Variants in ADARB2 observed in about 807,000 individuals in gnomAD.
ADARB2 encodes the protein inactive double-stranded RNA-specific editase B2.
Under a neutral mutation model 62.2 loss-of-function variants are expected in ADARB2, and 25 were observed. The ratio of observed to expected loss-of-function variants is 0.40; its 90% CI spans 0.29 to 0.56. ADARB2 has a LOEUF of 0.56. ADARB2 is among the 20% of genes least tolerant of loss of function. ADARB2 has a pLI of 0.43. For missense variants in ADARB2, 1,071 were observed against 1,077.4 expected, an observed-to-expected ratio of 0.99 and a Z score of 0.08; for synonymous variants, 572 against 500.8, an observed-to-expected ratio of 1.14 and a Z score of -1.90.
intron 3 of ADARB2, among the ~76,000 whole-genome samples, chr10:1,329,379 C>G (rs1831906732): frequency 6.6e-6 from 1 of 152,210 alleles, no homozygotes; most frequent in Admixed American, 6.5e-5. Context: ...AAATGTATCC[C>G]TTGTTTAAGC....
intron 1 of ADARB2, among the ~76,000 whole-genome samples, chr10:1,574,593 T>C (rs1411067298): frequency 1.3e-5 from 2 of 152,176 alleles, no homozygotes; most frequent in Admixed American, 1.3e-4. Context: ...CTAAGGTCCC[T>C]GTCCTTATAG....
intron 1 of ADARB2, among the ~76,000 whole-genome samples, chr10:1,428,675 G>C (rs1830742195): frequency 6.6e-6 from 1 of 152,056 alleles, no homozygotes; most frequent in African/African-American, 2.4e-5. Context: ...GAGATTGGGG[G>C]CTGGGGATGG....
rs569099693 is a variant in ADARB2, at chr10:1,677,767, C to T, written c.100+59284G>A. On this transcript the variant is annotated intron_variant, in intron 1 of 9. Transcript: ENST00000381312. ...CCATGGCTCCTGCACCTGCCCTGGT[C>T]GCAACACACACAGGCTGAACTCGGC... Among the ~76,000 whole-genome samples, 10 of 152,272 alleles carry T rather than the reference C, an allele frequency of 6.6e-5. No individual in the cohort carries two copies. In the South Asian group the frequency reaches 1.5e-3, roughly 22 times the overall value.
chr10:1,190,212 C>T (rs1199056467), intron 8 of ADARB2, among the ~76,000 whole-genome samples: 1 of 152,106 alleles, frequency 6.6e-6, no homozygotes, highest in Non-Finnish European at 1.5e-5. Flanking sequence ...AAATTGCACA[C>T]AGATACCCCA....
chr10:1,603,801 TTTTA>T (rs1191715539), intron 1 of ADARB2, among the ~76,000 whole-genome samples: 3 of 151,768 alleles, frequency 2.0e-5, no homozygotes, highest in African/African-American at 4.8e-5. Flanking sequence ...GTCATATATA[TTTTA>T]TTTATTTATT....
intron 1 of ADARB2, among the ~76,000 whole-genome samples, chr10:1,548,251 C>T (rs1832556983): frequency 1.3e-5 from 2 of 152,222 alleles, no homozygotes; most frequent in African/African-American, 4.8e-5. Flanking sequence ...TCCCGCAACT[C>T]ACTGGGCAAG....
rs1325396654 is a variant in ADARB2, at chr10:1,642,771, CCTCA to C, written c.100+94276_100+94279del. ...CTCACATGCACACACACTCACACTCCCTCACTCACACACCCACTCACACTCAGTA... is the reference window on the plus strand; with the variant it reads ...CTCACATGCACACACACTCACACTCCCTCACACACCCACTCACACTCAGTA... On this transcript the variant is annotated intron_variant, in intron 1 of 9. Transcript: ENST00000381312. Among the ~76,000 whole-genome samples the C allele has an allele frequency of 3.3e-5, 5 of 152,050 alleles. No homozygotes were observed. The South Asian group carries it at 6.3e-4, about 19-fold the overall frequency.
intron 4 of ADARB2, among the ~76,000 whole-genome samples, chr10:1,260,412 C>T (rs903649036): frequency 6.6e-6 from 1 of 151,674 alleles, no homozygotes; most frequent in Non-Finnish European, 1.5e-5. Flanking sequence ...CCCATTGTCT[C>T]AGCCCAAAAT....
intron 1 of ADARB2, among the ~76,000 whole-genome samples, chr10:1,452,196 A>T (rs1455260012): frequency 1.3e-5 from 2 of 152,200 alleles, no homozygotes; most frequent in African/African-American, 4.8e-5. Flanking sequence ...CAGCTGCGGG[A>T]ATTCAGTGGC....
intron 2 of ADARB2, among the ~76,000 whole-genome samples, chr10:1,378,744 CAAGGGTGGGACTGCAGGT>C (rs1172299237): frequency 6.6e-6 from 1 of 151,872 alleles, no homozygotes; most frequent in Non-Finnish European, 1.5e-5. Flanking sequence ...AGACTGCAGG[CAAGGGTGGGACTGCAGGT>C]TACAGTAGGA....
At chr10:1,673,133 G>C (rs770878308) in intron 1 of ADARB2, among the ~76,000 whole-genome samples, 2 of 152,184 alleles carry the variant, frequency 1.3e-5, no homozygotes, top group Non-Finnish European at 2.9e-5. Context: ...ACTGACCTGA[G>C]AGTTGATGGA....
At chr10:1,303,876 A>G (rs11250398) in intron 3 of ADARB2, among the ~76,000 whole-genome samples, 78,314 of 148,426 alleles carry the variant, frequency 0.53, 22,328 homozygotes, top group East Asian at 0.9. Flanking sequence ...TGGAGGAAGC[A>G]CTAAACATGG....
chr10:1,533,991 T>C (rs546026810), intron 1 of ADARB2, among the ~76,000 whole-genome samples: 11 of 151,472 alleles, frequency 7.3e-5, no homozygotes, highest in South Asian at 4.2e-4. Context: ...TTTATGGATA[T>C]GCAGGTTGAA....
intron 3 of ADARB2, among the ~76,000 whole-genome samples, chr10:1,300,925 G>A (rs527761153): frequency 6.6e-6 from 1 of 152,242 alleles, no homozygotes; most frequent in Non-Finnish European, 1.5e-5. Context: ...AGATGCTGCT[G>A]TGATTGTCAG....
chr10:1,603,800 A>G (rs1478714962), intron 1 of ADARB2, among the ~76,000 whole-genome samples: 1 of 151,020 alleles, frequency 6.6e-6, no homozygotes, highest in Non-Finnish European at 1.5e-5. Flanking sequence ...AGTCATATAT[A>G]TTTTATTTAT....
chr10:1,306,579 C>CA lies in ADARB2; in HGVS notation c.1078-35511dup, dbSNP rs1048445817. On this transcript the variant is annotated intron_variant, in intron 3 of 9. Coordinates refer to ENST00000381312, the MANE Select transcript of ADARB2 (RefSeq NM_018702.4). ...AACTACTTTAAAGTTCATATGGAAC[C>CA]AAAAAAGAGCCCGCATCGCTAAGTC... Among the ~76,000 whole-genome samples, 397 of 150,406 alleles carry CA rather than the reference C, an allele frequency of 2.6e-3. 4 individuals are homozygous for CA. Among genetic ancestry groups the CA allele is most frequent in the African/African-American group, 8.7e-3 (357 of 41,224 alleles).
rs942142350 is a variant in ADARB2, at chr10:1,319,921, C to T, written c.1077+43107G>A. ...GGACTACTGGACCAATATGTGTAAACGTTTCTAAAGTTTTTGGTGTGTATT... is the reference window on the plus strand; with the variant it reads ...GGACTACTGGACCAATATGTGTAAATGTTTCTAAAGTTTTTGGTGTGTATT... On this transcript the variant is annotated intron_variant, in intron 3 of 9. Transcript: ENST00000381312. Among the ~76,000 whole-genome samples, 12 of 152,260 alleles carry T rather than the reference C, an allele frequency of 7.9e-5. No individual in the cohort carries two copies. The South Asian group carries it at 1.0e-3, about 13-fold the overall frequency.
intron 3 of ADARB2, among the ~76,000 whole-genome samples, chr10:1,327,596 ACAGCGCCTCCTCACTGCC>A (rs1831880854): frequency 3.6e-5 from 2 of 55,686 alleles, no homozygotes; most frequent in South Asian, 5.1e-4. Flanking sequence ...TCCTCACTGC[ACAGCGCCTCCTCACTGCC>A]CAGCGCCTCC....
chr10:1,203,715 C>T (rs66739755), intron 7 of ADARB2, among the ~76,000 whole-genome samples: 22,579 of 152,020 alleles, frequency 0.15, 1,932 homozygotes, highest in East Asian at 0.27. Flanking sequence ...TGCAGCAAAG[C>T]GGCACATTTG....
Sources: gnomAD v4.1 joint callset for allele counts (sites outside exome capture counted in the v4.1 genomes callset) on GRCh38, gnomAD v4.1.1 for gene constraint, MANE v1.5 for transcripts, NCBI Gene and HGNC (gene_info 2026-07-23, HGNC 2026-07-21) for gene names.